Variants in GALNT13 observed in about 807,000 individuals in gnomAD.
The protein encoded by GALNT13 is UDP-GalNAc:polypeptide N-acetylgalactosaminyltransferase 13.
In GALNT13, 28 loss-of-function variants were observed where a neutral mutation model predicts 64.2. The observed-to-expected ratio is 0.44, with a 90% CI of 0.32 to 0.60. The LOEUF (loss-of-function observed/expected upper bound fraction) is 0.60, where lower values mean the gene tolerates loss of function less well. GALNT13 is among the 20% of genes least tolerant of loss of function. The pLI is 0.05. For missense variants in GALNT13, 577 were observed against 669.8 expected (o/e 0.86, Z 1.53); for synonymous variants, 214 against 224.6 (o/e 0.95, Z 0.42).
In GALNT13 at chr2:153,963,217, G is replaced by A. The variant is rs184935509; in HGVS notation, c.142+18578G>A. On this transcript the variant is annotated intron_variant, in intron 3 of 12. Coordinates refer to ENST00000392825, the MANE Select transcript of GALNT13 (RefSeq NM_052917.4). ...ATTAATTCTATTAATTAGGACAGAG[G>A]TCTCACTATCTAAACACCTAAAAGT... Among the ~76,000 whole-genome samples, 713 of 152,208 alleles carry A rather than the reference G, an allele frequency of 4.7e-3. 2 individuals carry two copies. The highest frequency in any genetic ancestry group is 6.9e-3 in the Non-Finnish European group (466 of 68,012).
chr2:153,974,153 G>C (rs986948013), intron 3 of GALNT13, among the ~76,000 whole-genome samples: 1 of 152,026 alleles, frequency 6.6e-6, no homozygotes, highest in Non-Finnish European at 1.5e-5. Flanking sequence ...TTTTGTGGCT[G>C]TTACTTGCCT....
the GALNT13 span, among the ~76,000 whole-genome samples, chr2:153,281,642 C>T: frequency 6.6e-6 from 1 of 152,100 alleles, no homozygotes. Flanking sequence ...TTCTCCTTCA[C>T]TTATGAAGCT....
At chr2:154,134,544 A>C (rs1682838604) in intron 3 of GALNT13, among the ~76,000 whole-genome samples, 1 of 152,216 alleles carries the variant, frequency 6.6e-6, no homozygotes, top group Non-Finnish European at 1.5e-5. Flanking sequence ...AATAGATGTG[A>C]TTGAAACCAA....
At chr2:154,299,728 G>T (rs1301062318) in intron 8 of GALNT13, among the ~76,000 whole-genome samples, 1 of 151,760 alleles carries the variant, frequency 6.6e-6, no homozygotes, top group African/African-American at 2.4e-5. Flanking sequence ...CTCCCAAAGT[G>T]CTGGGATTAC....
chr2:153,539,599 C>T, the GALNT13 span, among the ~76,000 whole-genome samples: 2 of 151,734 alleles, frequency 1.3e-5, no homozygotes. Flanking sequence ...CCAGTTTCAG[C>T]TTTCTACATA....
chr2:153,265,323 G>A, the GALNT13 span, among the ~76,000 whole-genome samples: 2 of 152,134 alleles, frequency 1.3e-5, no homozygotes, highest in East Asian at 3.9e-4. Flanking sequence ...TCTCATGGTC[G>A]TGTGGCTTGC....
At chr2:154,099,178 G>T (rs1429439105) in intron 3 of GALNT13, among the ~76,000 whole-genome samples, 1 of 152,070 alleles carries the variant, frequency 6.6e-6, no homozygotes, top group African/African-American at 2.4e-5. Flanking sequence ...TAGTGATGTT[G>T]AGCATTTTCT....
chr2:153,355,408 C>T, the GALNT13 span, among the ~76,000 whole-genome samples: 22 of 152,252 alleles, frequency 1.4e-4, no homozygotes, highest in African/African-American at 4.8e-4. Context: ...CTGTATATGT[C>T]TGTCAAAGAA....
At chr2:154,041,480 T>A (rs1186330178) in intron 3 of GALNT13, among the ~76,000 whole-genome samples, 1 of 140,194 alleles carries the variant, frequency 7.1e-6, no homozygotes, top group Non-Finnish European at 1.6e-5. Flanking sequence ...TGGACAGATA[T>A]TAAGACAGAA....
the GALNT13 span, among the ~76,000 whole-genome samples, chr2:153,764,607 A>G: frequency 6.6e-6 from 1 of 152,162 alleles, no homozygotes; most frequent in African/African-American, 2.4e-5. Flanking sequence ...AGAAAAGAAA[A>G]CCCCATTTTC....
intron 3 of GALNT13, among the ~76,000 whole-genome samples, chr2:154,003,341 CTA>C (rs753435115): frequency 1.3e-5 from 2 of 152,096 alleles, no homozygotes; most frequent in East Asian, 3.9e-4. Flanking sequence ...AACTGTGAGT[CTA>C]AGGAAATTCT....
intron 8 of GALNT13, among the ~76,000 whole-genome samples, chr2:154,285,464 A>G (rs1692210731): frequency 6.6e-6 from 1 of 152,108 alleles, no homozygotes; most frequent in Admixed American, 6.5e-5. Context: ...AATGTCACAT[A>G]TTAAAGACAT....
intron 3 of GALNT13, among the ~76,000 whole-genome samples, chr2:154,136,738 A>T (rs995717033): frequency 1.3e-5 from 2 of 152,086 alleles, no homozygotes; most frequent in Non-Finnish European, 1.5e-5. Flanking sequence ...AGTCAAACTA[A>T]TTATTTTTTT....
At chr2:154,425,421 C>G (rs947524025) in intron 11 of GALNT13, among the ~76,000 whole-genome samples, 35 of 152,192 alleles carry the variant, frequency 2.3e-4, no homozygotes, top group African/African-American at 8.2e-4. Context: ...TCAGTAAGAA[C>G]CTCAAAGATC....
At chr2:153,631,314 G>T in the GALNT13 span, among the ~76,000 whole-genome samples, 1 of 152,232 alleles carries the variant, frequency 6.6e-6, no homozygotes, top group South Asian at 2.1e-4. Flanking sequence ...ATAATCGTTT[G>T]GGTATATACC....
chr2:153,550,065 G>C, the GALNT13 span, among the ~76,000 whole-genome samples: 2 of 152,158 alleles, frequency 1.3e-5, no homozygotes, highest in Non-Finnish European at 2.9e-5. Flanking sequence ...TTGACTGAAA[G>C]ACATGGAGGT....
the GALNT13 span, among the ~76,000 whole-genome samples, chr2:153,115,073 T>C: frequency 6.6e-6 from 1 of 151,348 alleles, no homozygotes; most frequent in Non-Finnish European, 1.5e-5. Flanking sequence ...AGCAGAATGC[T>C]TTCTTCATAA....
chr2:154,444,470 T>A (rs1701463301), intron 12 of GALNT13, among the ~76,000 whole-genome samples: 2 of 152,114 alleles, frequency 1.3e-5, no homozygotes, highest in Admixed American at 1.3e-4. Context: ...AGCAGCAACA[T>A]GTAATATTGG....
At chr2:153,368,084 C>T in the GALNT13 span, among the ~76,000 whole-genome samples, 1 of 152,026 alleles carries the variant, frequency 6.6e-6, no homozygotes, top group African/African-American at 2.4e-5. Flanking sequence ...AAAGACATAA[C>T]AGATATATAC....
Sources: allele counts gnomAD v4.1 joint callset (sites outside exome capture counted in the v4.1 genomes callset), GRCh38; gene constraint gnomAD v4.1.1; transcripts MANE v1.5; gene names NCBI Gene and HGNC (gene_info 2026-07-23, HGNC 2026-07-21).